The following CNTNAP4 variants were observed in gnomAD, a reference collection of about 807,000 sequenced individuals.
The protein encoded by CNTNAP4 is contactin-associated protein-like 4.
CNTNAP4 carries 98 observed loss-of-function variants against 148.4 expected under a neutral mutation model. That is an observed-to-expected ratio of 0.66 (90% CI 0.56 to 0.78). The LOEUF (loss-of-function observed/expected upper bound fraction) is 0.78, where lower values mean the gene tolerates loss of function less well. Among genes scored for constraint, CNTNAP4 ranks in the 30% least tolerant of loss-of-function variants. The pLI, the probability that CNTNAP4 is intolerant of heterozygous loss-of-function variation, is 0.00. For missense variants in CNTNAP4, 1,935 were observed against 1,565.6 expected, an observed-to-expected ratio of 1.24 and a Z score of -3.98; for synonymous variants, 730 against 565.1, an observed-to-expected ratio of 1.29 and a Z score of -4.14.
At chr16:76,412,759 GTTTC>G (rs2078843044) in intron 3 of CNTNAP4, among the ~76,000 whole-genome samples, 1 of 151,158 alleles carries the variant, frequency 6.6e-6, no homozygotes, top group Non-Finnish European at 1.5e-5. Flanking sequence ...CCATTCTGTG[GTTTC>G]TTTCTATTAT....
At chr16:76,404,665 C>T (rs1173599709) in intron 3 of CNTNAP4, among the ~76,000 whole-genome samples, 1 of 152,054 alleles carries the variant, frequency 6.6e-6, no homozygotes, top group Non-Finnish European at 1.5e-5. Context: ...CTGTAAACAA[C>T]TTTGTGAGCA....
At chr16:76,464,259 A>C (rs1009540639) in intron 9 of CNTNAP4, among the ~76,000 whole-genome samples, 7 of 152,170 alleles carry the variant, frequency 4.6e-5, no homozygotes, top group Admixed American at 2.6e-4. Context: ...TGGACACATC[A>C]TCTTTTCTTG....
intron 17 of CNTNAP4, among the ~76,000 whole-genome samples, chr16:76,533,719 T>G (rs1332079892): frequency 6.6e-6 from 1 of 152,054 alleles, no homozygotes; most frequent in Non-Finnish European, 1.5e-5. Context: ...TAGGAGGAAT[T>G]AAACAAGAAG....
At position 76,304,748 on chromosome 16, in the gene CNTNAP4, GA is replaced by G. The variant is rs1960307606; in HGVS notation, c.86-11664del. Reference sequence around the variant, plus strand: ...TTGACCAATCAGTGGGCAATATTTTGAGGCACAAAATCTGAAAAAATTAATT... The same window carrying G: ...TTGACCAATCAGTGGGCAATATTTTGGGCACAAAATCTGAAAAAATTAATT... On this transcript the variant is annotated intron_variant, in intron 1 of 23. Transcript: ENST00000611870. 3.3e-5 allele frequency among the ~76,000 whole-genome samples: 5 copies of G among 152,254 alleles called. No homozygotes were observed. The South Asian group carries it at 1.0e-3, about 32-fold the overall frequency.
chr16:76,375,211 C>T (rs936927614), intron 3 of CNTNAP4, among the ~76,000 whole-genome samples: 2 of 152,002 alleles, frequency 1.3e-5, no homozygotes, highest in Non-Finnish European at 2.9e-5. Context: ...AACTTGACGT[C>T]AGAAGTTCGA....
intron 23 of CNTNAP4, chr16:76,557,522 G>A (rs1459773452): frequency 2.0e-5 from 3 of 152,158 alleles, no homozygotes; most frequent in Non-Finnish European, 4.4e-5. Context: ...CAAGGGTCAA[G>A]ATTTAATTAA....
intron 2 of CNTNAP4, among the ~76,000 whole-genome samples, chr16:76,328,589 A>C (rs762924783): frequency 6.6e-6 from 1 of 152,212 alleles, no homozygotes; most frequent in Non-Finnish European, 1.5e-5. Flanking sequence ...TTAGTTAATA[A>C]TAATAATGTA....
chr16:76,418,921 A>G (rs941987255), intron 3 of CNTNAP4, among the ~76,000 whole-genome samples: 1 of 151,986 alleles, frequency 6.6e-6, no homozygotes, highest in Non-Finnish European at 1.5e-5. Context: ...CGGTTCATCT[A>G]ATGCACTTAT....
At chr16:76,294,839 G>C (rs1432377132) in intron 1 of CNTNAP4, among the ~76,000 whole-genome samples, 1 of 152,072 alleles carries the variant, frequency 6.6e-6, no homozygotes, top group Non-Finnish European at 1.5e-5. Flanking sequence ...TGTTATTATG[G>C]TCTCAATCTG....
intron 21 of CNTNAP4, among the ~76,000 whole-genome samples, chr16:76,552,294 T>C (rs1268768969): frequency 2.6e-5 from 4 of 152,134 alleles, no homozygotes; most frequent in African/African-American, 9.7e-5. Flanking sequence ...ATTATGGGGA[T>C]TACAATTCAA....
intron 4 of CNTNAP4, among the ~76,000 whole-genome samples, chr16:76,447,748 G>A (rs888033852): frequency 6.6e-6 from 1 of 152,158 alleles, no homozygotes; most frequent in African/African-American, 2.4e-5. Flanking sequence ...ATAAGCTAAT[G>A]TAAGTGTTCT....
chr16:76,430,608 C>T (rs1568138104), intron 4 of CNTNAP4, among the ~76,000 whole-genome samples: 1 of 152,162 alleles, frequency 6.6e-6, no homozygotes, highest in Non-Finnish European at 1.5e-5. Flanking sequence ...CCATGCCCAA[C>T]AAAGTAGGTT....
chr16:76,410,710 A>G (rs2078762139), intron 3 of CNTNAP4, among the ~76,000 whole-genome samples: 1 of 151,672 alleles, frequency 6.6e-6, no homozygotes, highest in Admixed American at 6.6e-5. Flanking sequence ...ATGTGACTAA[A>G]TTGTACAGAA....
At chr16:76,437,769 TAATA>T (rs1207877485) in intron 4 of CNTNAP4, among the ~76,000 whole-genome samples, 5 of 152,002 alleles carry the variant, frequency 3.3e-5, no homozygotes, top group African/African-American at 1.2e-4. Flanking sequence ...ATATTTTAGG[TAATA>T]AATAAAAATG....
intron 3 of CNTNAP4, among the ~76,000 whole-genome samples, chr16:76,408,994 A>G (rs940672637): frequency 6.6e-6 from 1 of 152,056 alleles, no homozygotes; most frequent in African/African-American, 2.4e-5. Context: ...GAACAAAGCC[A>G]CAATGAGTCA....
chr16:76,554,480 T>C (rs2085106877), intron 23 of CNTNAP4, among the ~76,000 whole-genome samples: 1 of 152,184 alleles, frequency 6.6e-6, no homozygotes, highest in Non-Finnish European at 1.5e-5. Flanking sequence ...GTAGTAACTT[T>C]AAATTGCAGA....
intron 14 of CNTNAP4, 40 bp from the exon 15 acceptor site, chr16:76,498,527 A>G (rs1251720584): frequency 6.3e-7 from 1 of 1,587,046 alleles, no homozygotes; most frequent in African/African-American, 1.4e-5. Flanking sequence ...AAGGACTATT[A>G]AAAGTTCTTA....
intron 1 of CNTNAP4, among the ~76,000 whole-genome samples, chr16:76,303,863 CT>C (rs201335424): frequency 3.3e-5 from 5 of 150,916 alleles, no homozygotes; most frequent in Admixed American, 6.6e-5. Flanking sequence ...GTAAAATCCC[CT>C]TTTTTTTTAA....
chr16:76,490,508 C>G (rs1032176204), intron 13 of CNTNAP4, among the ~76,000 whole-genome samples: 9 of 147,708 alleles, frequency 6.1e-5, no homozygotes, highest in Non-Finnish European at 8.9e-5. Context: ...CCACATCTGC[C>G]TTACAGTAAG....
Sources: gnomAD v4.1 joint callset for allele counts (sites outside exome capture counted in the v4.1 genomes callset) on GRCh38, gnomAD v4.1.1 for gene constraint, MANE v1.5 for transcripts, NCBI Gene and HGNC (gene_info 2026-07-23, HGNC 2026-07-21) for gene names.